ACSS3: variants seen among roughly 807,000 people sequenced by gnomAD.
ACSS3 encodes the protein acyl-CoA synthetase short-chain family member 3, mitochondrial.
In ACSS3, 64 loss-of-function variants were observed where a neutral mutation model predicts 84.2. The observed-to-expected ratio is 0.76, with a 90% CI of 0.62 to 0.94. The LOEUF (loss-of-function observed/expected upper bound fraction) is 0.94. ACSS3 is among the 40% of genes least tolerant of loss of function. ACSS3 has a pLI of 0.00. For synonymous variants in ACSS3, 317 were observed against 310.1 expected, an observed-to-expected ratio of 1.02 and a Z score of -0.23; for missense variants, 815 against 867.6, an observed-to-expected ratio of 0.94 and a Z score of 0.76.
chr12:81,252,985 C>T (rs1204761146), intron 13 of ACSS3, among the ~76,000 whole-genome samples: 2 of 152,336 alleles, frequency 1.3e-5, no homozygotes, highest in African/African-American at 4.8e-5. Flanking sequence ...ATCCACTACA[C>T]ATTTTCTCTG....
chr12:81,081,873 C>A (rs1454657262), intron 1 of ACSS3, among the ~76,000 whole-genome samples: 1 of 152,172 alleles, frequency 6.6e-6, no homozygotes, highest in South Asian at 2.1e-4. Flanking sequence ...GGTTTCTCAA[C>A]ATGCAGGATC....
intron 9 of ACSS3, among the ~76,000 whole-genome samples, chr12:81,209,255 T>G (rs189818923): frequency 3.2e-4 from 49 of 152,262 alleles, no homozygotes; most frequent in African/African-American, 1.2e-3. Context: ...GCACACAGAC[T>G]GATTTCAGCT....
At chr12:81,208,996 A>G (rs2135921671) in intron 9 of ACSS3, among the ~76,000 whole-genome samples, 1 of 152,338 alleles carries the variant, frequency 6.6e-6, no homozygotes, top group South Asian at 2.1e-4. Context: ...TTGGAATAAG[A>G]AAATGTTGTA....
chr12:81,255,024 G>A lies in ACSS3; in HGVS notation c.*102G>A. On this transcript the variant is annotated 3_prime_UTR_variant, in exon 16 of 16. Coordinates refer to ENST00000548058, the MANE Select transcript of ACSS3 (RefSeq NM_024560.4). ...ATAAATATTTCAGTAGAAATTACTT[G>A]CAAAATGAAATGTGAATTGTAAAAC... 9.2e-7 allele frequency: 1 copy of A among 1,090,742 alleles called. No homozygotes were observed. Among genetic ancestry groups the A allele is most frequent in the Middle Eastern group, 2.9e-4 (1 of 3,464 alleles). 67.6% of individuals were successfully genotyped at this position (1,090,742 alleles called of 1,614,324 possible). A position where few individuals can be genotyped will look rare whatever the true frequency, so the allele number is the denominator to read the frequency against.
At chr12:81,176,013 G>GA (rs570223109) in intron 8 of ACSS3, among the ~76,000 whole-genome samples, 1 of 151,916 alleles carries the variant, frequency 6.6e-6, no homozygotes, top group Non-Finnish European at 1.5e-5. Context: ...GATCTGAACT[G>GA]AAAAAAATTT....
intron 9 of ACSS3, 85 bp from the exon 10 acceptor site, chr12:81,216,816 G>A: frequency 9.3e-7 from 1 of 1,072,880 alleles, no homozygotes; most frequent in Non-Finnish European, 1.4e-6. Flanking sequence ...TGACAAACTA[G>A]GGTGGGGTAG....
At chr12:81,171,057 G>A (rs2030001239) in intron 7 of ACSS3, among the ~76,000 whole-genome samples, 1 of 151,924 alleles carries the variant, frequency 6.6e-6, no homozygotes, top group South Asian at 2.1e-4. Flanking sequence ...TCTGTTTATT[G>A]GACACAAATA....
At chr12:81,143,656 C>CA (rs1273073602) in intron 5 of ACSS3, among the ~76,000 whole-genome samples, 1 of 151,794 alleles carries the variant, frequency 6.6e-6, no homozygotes, top group Non-Finnish European at 1.5e-5. Context: ...GTATAAGTTT[C>CA]ATGCAGTATA....
intron 1 of ACSS3, among the ~76,000 whole-genome samples, chr12:81,080,157 G>A (rs1262363561): frequency 1.3e-5 from 2 of 152,094 alleles, no homozygotes; most frequent in African/African-American, 2.4e-5. Flanking sequence ...AAAACAGTGA[G>A]GGCCAGACCT....
At chr12:81,182,512 G>T (rs1339225315) in intron 8 of ACSS3, among the ~76,000 whole-genome samples, 1 of 152,078 alleles carries the variant, frequency 6.6e-6, no homozygotes, top group East Asian at 1.9e-4. Flanking sequence ...TAGTATGAAG[G>T]TAGAAATCAA....
rs2034286280 is a variant in ACSS3 at position 81,256,122 on chromosome 12, C to G, written c.*1200C>G. 1.3e-5 allele frequency: 2 copies of G among 152,040 alleles called. No homozygotes were observed. The highest frequency in any genetic ancestry group is 2.4e-5 in the African/African-American group (1 of 41,402). The allele number at this position is 152,040 out of a possible 1,614,324, so 9.4% of individuals were successfully genotyped here. On this transcript the variant is annotated 3_prime_UTR_variant, in exon 16 of 16. Transcript: ENST00000548058. ...GCCACTAGGTTTGAGGGACAAAGGA[C>G]AGTAGAAAATGGTGAAGACTGCAGA...
In ACSS3 at chr12:81,182,842, A is replaced by C. The variant is rs1280582472; in HGVS notation, c.1250+7903A>C. Among the ~76,000 whole-genome samples, 4 of 151,968 alleles carry C rather than the reference A, an allele frequency of 2.6e-5. No individual in the cohort carries two copies. The South Asian group carries it at 6.2e-4, about 24-fold the overall frequency. On this transcript the variant is annotated intron_variant, in intron 8 of 15. Transcript: ENST00000548058. The stretch of plus-strand genomic sequence containing the variant: ...GAACCTCCATTCTCTTTCCCTTTCC[A>C]CTTTATCCAACCATGCCTTATGCAC...
intron 8 of ACSS3, among the ~76,000 whole-genome samples, chr12:81,175,821 A>G (rs1202500690): frequency 1.3e-5 from 2 of 152,198 alleles, no homozygotes; most frequent in East Asian, 1.9e-4. Context: ...ACAAATGTAC[A>G]ATATACCAGA....
At chr12:81,086,570 G>C (rs1293046890) in intron 1 of ACSS3, among the ~76,000 whole-genome samples, 1 of 152,046 alleles carries the variant, frequency 6.6e-6, no homozygotes, top group Non-Finnish European at 1.5e-5. Flanking sequence ...AAATTCAATC[G>C]GCTGTGACTG....
At chr12:81,248,199 ACTG>A (rs1299600082) in intron 13 of ACSS3, among the ~76,000 whole-genome samples, 1 of 152,002 alleles carries the variant, frequency 6.6e-6, no homozygotes, top group African/African-American at 2.4e-5. Context: ...CAATCCCACT[ACTG>A]GGTATTTATC....
chr12:81,223,866 TTTATC>T (rs1311246473), intron 11 of ACSS3, among the ~76,000 whole-genome samples: 3 of 151,948 alleles, frequency 2.0e-5, no homozygotes, highest in Non-Finnish European at 2.9e-5. Flanking sequence ...TAGACCATCT[TTTATC>T]TAGGATAGGA....
At chr12:81,173,656 A>T (rs903888991) in intron 7 of ACSS3, among the ~76,000 whole-genome samples, 1 of 152,052 alleles carries the variant, frequency 6.6e-6, no homozygotes, top group South Asian at 2.1e-4. Flanking sequence ...TCATGATATC[A>T]TCATTTTTTT....
chr12:81,229,660 A>T (rs888689989), intron 11 of ACSS3, among the ~76,000 whole-genome samples: 2 of 151,956 alleles, frequency 1.3e-5, no homozygotes, highest in African/African-American at 4.8e-5. Context: ...TCACAACAGC[A>T]ACAGCAAAAA....
chr12:81,225,884 A>T (rs2033257999), intron 11 of ACSS3, among the ~76,000 whole-genome samples: 1 of 151,884 alleles, frequency 6.6e-6, no homozygotes, highest in Non-Finnish European at 1.5e-5. Context: ...AGGCAATTGA[A>T]TAATTCCTCT....
Sources: gnomAD v4.1 joint callset for allele counts (sites outside exome capture counted in the v4.1 genomes callset) on GRCh38, gnomAD v4.1.1 for gene constraint, MANE v1.5 for transcripts, NCBI Gene and HGNC (gene_info 2026-07-23, HGNC 2026-07-21) for gene names.